ST6GALNAC3: variants seen among roughly 807,000 people sequenced by gnomAD.
The protein encoded by ST6GALNAC3 is alpha-N-acetylgalactosaminide alpha-2,6-sialyltransferase 3.
ST6GALNAC3 carries 25 observed loss-of-function variants against 32.7 expected under a neutral mutation model. The observed-to-expected ratio is 0.76, with a 90% CI of 0.56 to 1.07. ST6GALNAC3 has a LOEUF of 1.07. Among genes scored for constraint, ST6GALNAC3 ranks in the 50% least tolerant of loss-of-function variants. The probability of loss-of-function intolerance (pLI) is 0.00; values close to 1 mark genes in which losing one functional copy is unlikely to be tolerated. For synonymous variants in ST6GALNAC3, 129 were observed against 133.1 expected (o/e 0.97, Z 0.21); for missense variants, 355 against 382.4 (o/e 0.93, Z 0.60).
chr1:76,459,339 C>T (rs188531424), intron 3 of ST6GALNAC3, among the ~76,000 whole-genome samples: 1 of 152,148 alleles, frequency 6.6e-6, no homozygotes, highest in East Asian at 1.9e-4. Flanking sequence ...CCAAGGCAGG[C>T]GGATCATGAG....
intron 1 of ST6GALNAC3, among the ~76,000 whole-genome samples, chr1:76,113,201 T>A (rs1557625283): frequency 6.6e-6 from 1 of 151,744 alleles, no homozygotes; most frequent in Non-Finnish European, 1.5e-5. Flanking sequence ...CAGTCAGGCG[T>A]GGCGGCGCGC....
At chr1:76,234,318 A>C (rs1656530425) in intron 1 of ST6GALNAC3, among the ~76,000 whole-genome samples, 2 of 152,074 alleles carry the variant, frequency 1.3e-5, no homozygotes, top group South Asian at 4.2e-4. Context: ...CTTTGGTTTC[A>C]TTGTTAGTGA....
chr1:76,536,682 G>A (rs1439509746), intron 3 of ST6GALNAC3, among the ~76,000 whole-genome samples: 2 of 150,132 alleles, frequency 1.3e-5, no homozygotes, highest in Admixed American at 6.6e-5. Context: ...AAAAAGCAGG[G>A]GTTGTAATCC....
At chr1:76,272,198 C>T (rs1000598429) in intron 1 of ST6GALNAC3, among the ~76,000 whole-genome samples, 1 of 151,284 alleles carries the variant, frequency 6.6e-6, no homozygotes, top group Non-Finnish European at 1.5e-5. Flanking sequence ...TGGTGGTGGG[C>T]GCCTGTAGTC....
intron 1 of ST6GALNAC3, among the ~76,000 whole-genome samples, chr1:76,191,815 G>A (rs866884824): frequency 3.3e-5 from 5 of 152,254 alleles, no homozygotes; most frequent in South Asian, 4.1e-4. Flanking sequence ...AAGGAAGAGC[G>A]GGTAGGCTGC....
intron 3 of ST6GALNAC3, among the ~76,000 whole-genome samples, chr1:76,494,894 GC>G (rs1660758705): frequency 6.6e-6 from 1 of 152,004 alleles, no homozygotes; most frequent in South Asian, 2.1e-4. Flanking sequence ...CCATTTGAAG[GC>G]TGGCAGGCTT....
chr1:76,360,283 C>T (rs1025371136), intron 2 of ST6GALNAC3, among the ~76,000 whole-genome samples: 2 of 152,054 alleles, frequency 1.3e-5, no homozygotes, highest in Admixed American at 6.5e-5. Flanking sequence ...CCTGTTTATC[C>T]TTCTTTTTTT....
intron 1 of ST6GALNAC3, among the ~76,000 whole-genome samples, chr1:76,192,265 A>G (rs1653941815): frequency 6.6e-6 from 1 of 152,208 alleles, no homozygotes; most frequent in Non-Finnish European, 1.5e-5. Flanking sequence ...TTCAAAATCC[A>G]TTATCCTCAT....
At chr1:76,546,949 C>T (rs540205754) in intron 3 of ST6GALNAC3, among the ~76,000 whole-genome samples, 1 of 152,124 alleles carries the variant, frequency 6.6e-6, no homozygotes, top group South Asian at 2.1e-4. Context: ...AGGAAGGATG[C>T]GGATGAAAGA....
chr1:76,219,987 G>A (rs1655677338), intron 1 of ST6GALNAC3, among the ~76,000 whole-genome samples: 1 of 152,160 alleles, frequency 6.6e-6, no homozygotes, highest in Admixed American at 6.6e-5. Flanking sequence ...AGTGGTGAAT[G>A]AGAAGGAGGC....
At chr1:76,378,093 G>T (rs535482516) in intron 2 of ST6GALNAC3, among the ~76,000 whole-genome samples, 1 of 152,224 alleles carries the variant, frequency 6.6e-6, no homozygotes, top group African/African-American at 2.4e-5. Context: ...CTTGGCTCTT[G>T]TCCCTACCTT....
intron 1 of ST6GALNAC3, among the ~76,000 whole-genome samples, chr1:76,233,763 A>G (rs1414442344): frequency 2.0e-5 from 3 of 152,208 alleles, no homozygotes; most frequent in Non-Finnish European, 4.4e-5. Flanking sequence ...TAGGGGTACA[A>G]GTGCAATTTT....
At chr1:76,384,320 T>C (rs1186361290) in intron 2 of ST6GALNAC3, among the ~76,000 whole-genome samples, 3 of 152,194 alleles carry the variant, frequency 2.0e-5, no homozygotes, top group Non-Finnish European at 4.4e-5. Context: ...AGTGACAAAA[T>C]GGGCAATTTG....
intron 1 of ST6GALNAC3, among the ~76,000 whole-genome samples, chr1:76,306,833 C>T (rs1043630017): frequency 7.9e-5 from 12 of 152,088 alleles, no homozygotes; most frequent in African/African-American, 2.9e-4. Flanking sequence ...CATGCCTGTA[C>T]ATTTTCTCAT....
intron 1 of ST6GALNAC3, among the ~76,000 whole-genome samples, chr1:76,261,730 C>A (rs932442330): frequency 6.6e-6 from 1 of 152,216 alleles, no homozygotes; most frequent in South Asian, 2.1e-4. Flanking sequence ...CAGAAACATC[C>A]TCTCACTGGA....
chr1:76,394,909 C>T (rs532392578), intron 2 of ST6GALNAC3, among the ~76,000 whole-genome samples: 1 of 152,218 alleles, frequency 6.6e-6, no homozygotes, highest in Non-Finnish European at 1.5e-5. Flanking sequence ...CTTTTATTTT[C>T]TCTGTATGAG....
chr1:76,538,680 C>T (rs1342708152), intron 3 of ST6GALNAC3, among the ~76,000 whole-genome samples: 1 of 152,152 alleles, frequency 6.6e-6, no homozygotes, highest in Non-Finnish European at 1.5e-5. Flanking sequence ...TCTGAGGATA[C>T]AGAATCAATG....
intron 2 of ST6GALNAC3, among the ~76,000 whole-genome samples, chr1:76,382,182 G>A (rs1651761247): frequency 6.6e-6 from 1 of 152,110 alleles, no homozygotes; most frequent in Non-Finnish European, 1.5e-5. Context: ...TAGGATTTCA[G>A]GGTCTAAATA....
At chr1:76,139,126 G>A (rs1250774933) in intron 1 of ST6GALNAC3, among the ~76,000 whole-genome samples, 3 of 151,880 alleles carry the variant, frequency 2.0e-5, no homozygotes, top group Admixed American at 6.6e-5. Flanking sequence ...CCCGGGAGGC[G>A]GAGCTTGCTG....
Sources: gnomAD v4.1 joint callset for allele counts (sites outside exome capture counted in the v4.1 genomes callset) on GRCh38, gnomAD v4.1.1 for gene constraint, MANE v1.5 for transcripts, NCBI Gene and HGNC (gene_info 2026-07-23, HGNC 2026-07-21) for gene names.